The following PDE3B variants were observed in gnomAD, a reference collection of about 807,000 sequenced individuals.
The protein encoded by PDE3B is cGMP-inhibited 3',5'-cyclic phosphodiesterase 3B.
Under a neutral mutation model 116.8 loss-of-function variants are expected in PDE3B, and 66 were observed. The ratio of observed to expected loss-of-function variants is 0.56; its 90% CI spans 0.46 to 0.69. The LOEUF (loss-of-function observed/expected upper bound fraction) is 0.69. PDE3B is among the 30% of genes least tolerant of loss of function. The pLI is 0.00. For synonymous variants in PDE3B, 595 were observed against 533.6 expected, an observed-to-expected ratio of 1.12 and a Z score of -1.59; for missense variants, 1,384 against 1,368.1, an observed-to-expected ratio of 1.01 and a Z score of -0.18.
intron 11 of PDE3B, among the ~76,000 whole-genome samples, chr11:14,837,093 C>T (rs1050823952): frequency 9.8e-5 from 15 of 152,338 alleles, no homozygotes; most frequent in African/African-American, 3.1e-4. Context: ...GGATTACAGG[C>T]GTGAGCCACT....
chr11:14,861,108 C>A, intron 13 of PDE3B, 97 bp from the exon 14 acceptor site: 1 of 869,320 alleles, frequency 1.2e-6, no homozygotes, highest in Non-Finnish European at 1.8e-6. Context: ...GTCATTTAGA[C>A]AGGAAACAGT....
intron 1 of PDE3B, among the ~76,000 whole-genome samples, chr11:14,686,261 C>G (rs1854870577): frequency 6.6e-6 from 1 of 152,186 alleles, no homozygotes; most frequent in Non-Finnish European, 1.5e-5. Context: ...ATACCTTTAT[C>G]TGAGTCTATA....
chr11:14,784,159 C>G (rs1015807497), intron 2 of PDE3B, among the ~76,000 whole-genome samples: 2 of 152,132 alleles, frequency 1.3e-5, no homozygotes, highest in Non-Finnish European at 1.5e-5. Context: ...TTGTGTTCCA[C>G]GAAACCTGTC....
At chr11:14,879,278 A>T in the PDE3B span, 11 of 1,613,258 alleles carry the variant, frequency 6.8e-6, no homozygotes, top group Non-Finnish European at 9.3e-6. Context: ...ATAACCACGT[A>T]CAACTGCATC....
intron 4 of PDE3B, among the ~76,000 whole-genome samples, chr11:14,789,729 T>C (rs1242687638): frequency 6.6e-6 from 1 of 152,014 alleles, no homozygotes; most frequent in Non-Finnish European, 1.5e-5. Flanking sequence ...ATATTCTATA[T>C]TCTGTTGAGG....
chr11:14,775,940 A>G (rs973129070), intron 2 of PDE3B: 4 of 152,330 alleles, frequency 2.6e-5, no homozygotes, highest in Admixed American at 2.0e-4. Flanking sequence ...ATGTGTTACC[A>G]TATGTAACTC....
intron 2 of PDE3B, among the ~76,000 whole-genome samples, chr11:14,778,143 T>A (rs28825106): frequency 0.13 from 20,094 of 152,020 alleles, 1,529 homozygotes; most frequent in African/African-American, 0.2. Context: ...TGCTGAGGCT[T>A]GAGTAGGTAA....
intron 5 of PDE3B, among the ~76,000 whole-genome samples, chr11:14,811,657 G>GT (rs1859135814): frequency 2.0e-5 from 3 of 151,964 alleles, no homozygotes; most frequent in Non-Finnish European, 4.4e-5. Context: ...CTTTAAAGTA[G>GT]TTTTTTCCAA....
intron 2 of PDE3B, among the ~76,000 whole-genome samples, chr11:14,778,427 A>G (rs768798631): frequency 6.6e-6 from 1 of 152,186 alleles, no homozygotes; most frequent in Non-Finnish European, 1.5e-5. Flanking sequence ...GTAGGGGCTG[A>G]CTGACGCCTC....
At chr11:14,802,988 G>C (rs1858818958) in intron 4 of PDE3B, among the ~76,000 whole-genome samples, 1 of 152,226 alleles carries the variant, frequency 6.6e-6, no homozygotes, top group Admixed American at 6.5e-5. Context: ...TAGAAAGTGT[G>C]TCTTTGTGTA....
At chr11:14,778,035 G>A (rs746863931) in intron 2 of PDE3B, among the ~76,000 whole-genome samples, 8 of 152,184 alleles carry the variant, frequency 5.3e-5, no homozygotes, top group Non-Finnish European at 1.2e-4. Flanking sequence ...GCCTGGCTCG[G>A]GGGGTTCCAC....
chr11:14,709,374 A>G (rs528748471), intron 1 of PDE3B, among the ~76,000 whole-genome samples: 54 of 152,250 alleles, frequency 3.5e-4, no homozygotes, highest in South Asian at 1.2e-3. Flanking sequence ...CTCTGAAATC[A>G]GGGTGTACCT....
the PDE3B span, chr11:14,887,147 G>A: frequency 6.6e-6 from 1 of 152,234 alleles, no homozygotes; most frequent in Non-Finnish European, 1.5e-5. Flanking sequence ...TCGCAGAAGG[G>A]AACTTTAGCA....
In PDE3B at chr11:14,750,775, A is replaced by AT. The variant is rs1395724170; in HGVS notation, c.979-21158dup. Among the ~76,000 whole-genome samples the AT allele has an allele frequency of 5.3e-5, 8 of 152,300 alleles. No homozygotes were observed. In the East Asian group the frequency reaches 1.5e-3, roughly 29 times the overall value. On this transcript the variant is annotated intron_variant, in intron 1 of 15. Coordinates refer to ENST00000282096, the MANE Select transcript of PDE3B (RefSeq NM_000922.4). ...GGTCTATACTTTTTCTAAAAGTGTA[A>AT]TTTTAGAAAGGAATACATTTTATGG...
intron 4 of PDE3B, among the ~76,000 whole-genome samples, chr11:14,799,757 CTTTTT>C (rs60506229): frequency 4.6e-5 from 5 of 108,010 alleles, no homozygotes; most frequent in Non-Finnish European, 7.4e-5. Flanking sequence ...CAACTCCTGC[CTTTTT>C]TTTTTTTTTT....
At chr11:14,797,812 G>C (rs1858603750) in intron 4 of PDE3B, among the ~76,000 whole-genome samples, 1 of 152,180 alleles carries the variant, frequency 6.6e-6, no homozygotes, top group Admixed American at 6.6e-5. Flanking sequence ...TTGCTTATCA[G>C]CTTAAGGAGA....
chr11:14,815,842 G>A (rs1008601472), intron 5 of PDE3B, among the ~76,000 whole-genome samples: 3 of 152,032 alleles, frequency 2.0e-5, no homozygotes, highest in Non-Finnish European at 4.4e-5. Context: ...CATGAAATGT[G>A]CTTAACCTTA....
rs567047464 is a variant in PDE3B, at chr11:14,644,637, A to G, written c.562A>G (p.Thr188Ala). The change falls in exon 1 of 16, where the codon ACG (threonine) becomes GCG (alanine). Residue 188 changes from threonine to alanine, a missense_variant. Physicochemically the swap from Thr to Ala is moderately conservative, Grantham distance 58. Transcript: ENST00000282096. ...DGDAGSAAPH[T>A]PPEAAAGRLL... is the part of the protein sequence containing the mutation. ...CGACGCAGGGTCCGCGGCCCCGCACACGCCCCCGGAGGCGGCAGCGGGCAG... is the reference window on the plus strand; with the variant it reads ...CGACGCAGGGTCCGCGGCCCCGCACGCGCCCCCGGAGGCGGCAGCGGGCAG... The G allele has an allele frequency of 2.1e-5, 32 of 1,510,326 alleles. No homozygotes were observed. The highest frequency in any genetic ancestry group is 9.7e-5 in the African/African-American group (7 of 72,056). 93.6% of individuals were successfully genotyped at this position (1,510,326 alleles called of 1,614,324 possible).
chr11:14,856,393 C>T (rs1285525683), intron 12 of PDE3B, among the ~76,000 whole-genome samples: 1 of 152,116 alleles, frequency 6.6e-6, no homozygotes, highest in Non-Finnish European at 1.5e-5. Flanking sequence ...CCTGAGATAA[C>T]AGCTGTTTGT....
Sources: gnomAD v4.1 joint callset for allele counts (sites outside exome capture counted in the v4.1 genomes callset) on GRCh38, gnomAD v4.1.1 for gene constraint, MANE v1.5 for transcripts, NCBI Gene and HGNC (gene_info 2026-07-23, HGNC 2026-07-21) for gene names.